Variants in TMEM92 observed in about 807,000 individuals in gnomAD.
TMEM92 encodes transmembrane protein 92.
A neutral mutation model predicts 14.6 loss-of-function variants in TMEM92; 15 were observed. The observed-to-expected ratio is 1.03, with a 90% CI of 0.69 to 1.58. TMEM92 has a LOEUF of 1.58. Ranked by LOEUF, TMEM92 falls within the 40% of genes most tolerant of loss-of-function variation. The pLI is 0.00. For missense variants in TMEM92, 174 were observed against 202.4 expected, an observed-to-expected ratio of 0.86 and a Z score of 0.85; for synonymous variants, 85 against 83.3, an observed-to-expected ratio of 1.02 and a Z score of -0.11.
chr17:50,277,842 C>T (rs1910478905), intron 2 of TMEM92, 102 bp downstream of exon 2: 8 of 1,444,388 alleles, frequency 5.5e-6, no homozygotes, highest in South Asian at 1.2e-5. Flanking sequence ...AAACTCCATC[C>T]GTCCTCAGTC....
chr17:50,278,888 G>A lies in TMEM92; in HGVS notation c.258G>A (p.Pro86=), dbSNP rs563916883. The stretch of plus-strand genomic sequence containing the variant: ...GCTTCTGTCGCAACTGCAGAGAGCC[G>A]GAGCCAGACAGCCCAGTGGATTGCC... ...AKCFCRNCRE[P]EPDSPVDCRG... is the part of the protein sequence containing the mutation. The change falls in exon 4 of 5, where the codon CCG becomes CCA. Residue 86 remains proline, a synonymous_variant. Coordinates refer to ENST00000507382, the MANE Select transcript of TMEM92 (RefSeq NM_153229.3). 9.3e-6 allele frequency: 15 copies of A among 1,613,836 alleles called. No homozygotes were observed. Among genetic ancestry groups the A allele is most frequent in the East Asian group, 2.2e-5 (1 of 44,840 alleles).
intron 4 of TMEM92, 54 bp from the exon 5 acceptor site, chr17:50,279,141 G>A: frequency 6.4e-7 from 1 of 1,561,840 alleles, no homozygotes; most frequent in South Asian, 1.1e-5. Context: ...TGGGATGGGG[G>A]AGTGGTGGCC....
chr17:50,274,434 G>A, upstream of TMEM92: 1 of 1,560,276 alleles, frequency 6.4e-7, no homozygotes, highest in Non-Finnish European at 8.8e-7. Context: ...CCCATAGGTG[G>A]AGAGAAGTGG....
intron 1 of TMEM92, 50 bp from the exon 2 acceptor site, chr17:50,277,665 A>C (rs1314115233): frequency 3.1e-6 from 5 of 1,612,418 alleles, no homozygotes; most frequent in Non-Finnish European, 4.2e-6. Flanking sequence ...CCCTACCCCC[A>C]CTATCCCCAG....
upstream of TMEM92, chr17:50,271,532 T>A (rs940059898): frequency 7.2e-5 from 11 of 152,230 alleles, no homozygotes; most frequent in African/African-American, 2.7e-4. Flanking sequence ...GTTTTCTTTG[T>A]TTGCAGAGAC....
chr17:50,278,458 G>A (rs987406432), intron 2 of TMEM92, 98 bp from the exon 3 acceptor site: 2 of 1,390,160 alleles, frequency 1.4e-6, no homozygotes, highest in Non-Finnish European at 2.0e-6. Context: ...CTTGTGCCAT[G>A]AGCATCTTGG....
chr17:50,278,430 C>A (rs899698499), intron 2 of TMEM92, 126 bp from the exon 3 acceptor site: 3 of 1,047,250 alleles, frequency 2.9e-6, no homozygotes, highest in South Asian at 1.5e-5. Context: ...CCATACCCCC[C>A]ACCCCACTAA....
In TMEM92 at chr17:50,278,858, T is replaced by G. The variant is rs369053170; in HGVS notation, c.228T>G (p.Ala76=). The change falls in exon 4 of 5, where the codon GCT becomes GCG. Residue 76 remains alanine (A), a synonymous_variant. Coordinates refer to ENST00000507382, the MANE Select transcript of TMEM92 (RefSeq NM_153229.3). The stretch of plus-strand genomic sequence containing the variant: ...CCGTCTTTTGCATCTGTGGCCTGGC[T>G]AAGTGCTTCTGTCGCAACTGCAGAG... ...ILSVFCICGL[A]KCFCRNCREP... The G allele has an allele frequency of 6.2e-7, 1 of 1,613,548 alleles. No individual in the cohort carries two copies. The highest frequency in any genetic ancestry group is 1.3e-5 in the African/African-American group (1 of 74,830).
In TMEM92 at chr17:50,279,771, G is replaced by A; in HGVS notation, c.*463G>A. ...CTCACTGCACCCACCCACAACACATGATAAACACATGTCCTCACTGAATGT... is the reference window on the plus strand; with the variant it reads ...CTCACTGCACCCACCCACAACACATAATAAACACATGTCCTCACTGAATGT... On this transcript the variant is annotated 3_prime_UTR_variant, in exon 5 of 5. Coordinates refer to ENST00000507382, the MANE Select transcript of TMEM92 (RefSeq NM_153229.3). The A allele has an allele frequency of 4.7e-6, 1 of 211,730 alleles. No individual in the cohort carries two copies. Among genetic ancestry groups the A allele is most frequent in the Non-Finnish European group, 9.5e-6 (1 of 105,664 alleles). The allele number at this position is 211,730 out of a possible 1,614,324, so 13.1% of individuals were successfully genotyped here.
upstream of TMEM92, among the ~76,000 whole-genome samples, chr17:50,274,041 C>G (rs1283391008): frequency 6.6e-6 from 1 of 152,130 alleles, no homozygotes; most frequent in African/African-American, 2.4e-5. Flanking sequence ...TGCACTGGCA[C>G]GATCTCGGCT....
Position 50,278,683 on chromosome 17 carries a change from G to A in TMEM92, c.170+53G>A, listed in dbSNP as rs985538429. 18 of 1,596,470 alleles carry A rather than the reference G, an allele frequency of 1.1e-5. No homozygotes were observed. In the African/African-American group the frequency reaches 1.5e-4, roughly 13 times the overall value. On this transcript the variant is annotated intron_variant, in intron 3 of 4. Coordinates refer to ENST00000507382, the MANE Select transcript of TMEM92 (RefSeq NM_153229.3). ...GCAGTCCTTGGAGGGGCCTGGTCCT[G>A]TGTGGACAAGGCCAGGCACCTGCCG...
upstream of TMEM92, among the ~76,000 whole-genome samples, chr17:50,272,554 C>T (rs528815015): frequency 6.6e-6 from 1 of 152,284 alleles, no homozygotes; most frequent in South Asian, 2.1e-4. Context: ...GGTCCACCTG[C>T]AGGGGAGGAG....
chr17:50,277,764 C>T lies in TMEM92; in HGVS notation c.95+24C>T, dbSNP rs1910476139. 4.3e-6 allele frequency: 7 copies of T among 1,613,856 alleles called. No individual in the cohort carries two copies. The African/African-American group carries it at 9.3e-5, about 22-fold the overall frequency. On this transcript the variant is annotated intron_variant, in intron 2 of 4. Coordinates refer to ENST00000507382, the MANE Select transcript of TMEM92 (RefSeq NM_153229.3). ...CTGTAAGTCTAGAGGCCATAACTTC[C>T]AATCTGGGGAGCGGGGAGGAGCAAC...
At chr17:50,274,025 C>G (rs1910335385), upstream of TMEM92, among the ~76,000 whole-genome samples, 3 of 152,168 alleles carry the variant, frequency 2.0e-5, no homozygotes, top group Admixed American at 6.6e-5. Flanking sequence ...GTCGCCCAGG[C>G]TGGAGTGCAC....
At chr17:50,274,648 G>T in intron 1 of TMEM92, 78 bp downstream of exon 1, 1 of 1,300,482 alleles carries the variant, frequency 7.7e-7, no homozygotes, top group Non-Finnish European at 1.1e-6. Context: ...GAGCCTGGTC[G>T]CCACCTTCCA....
chr17:50,278,618 C>G lies in TMEM92; in HGVS notation c.158C>G (p.Pro53Arg). Reference protein sequence around the residue: ...DSCCQENELFPGPVRIFVIIF... With the variant: ...DSCCQENELFRGPVRIFVIIF... ...TGCTGCCAGGAGAACGAGCTCTTCC[C>G]TGGCCCCGTGAGGTGAGCCCAGGGC... The change falls in exon 3 of 5, where the codon CCT becomes CGT. Residue 53 changes from proline (P) to arginine (R), a missense_variant. Pro to Arg is a moderately radical substitution (Grantham distance 103). Transcript: ENST00000507382. The G allele has an allele frequency of 6.2e-7, 1 of 1,613,950 alleles. No homozygotes were observed. Among genetic ancestry groups the G allele is most frequent in the Non-Finnish European group, 8.5e-7 (1 of 1,179,974 alleles).
At chr17:50,276,958 G>A (rs932732966) in intron 1 of TMEM92, among the ~76,000 whole-genome samples, 4 of 152,204 alleles carry the variant, frequency 2.6e-5, no homozygotes, top group Non-Finnish European at 5.9e-5. Flanking sequence ...AGCCAGCCTT[G>A]CAGCCACCTA....
upstream of TMEM92, among the ~76,000 whole-genome samples, chr17:50,272,371 C>T (rs1332952118): frequency 6.6e-6 from 1 of 152,220 alleles, no homozygotes; most frequent in Non-Finnish European, 1.5e-5. Flanking sequence ...AAGGGCCACA[C>T]CTCTGTAGGG....
upstream of TMEM92, among the ~76,000 whole-genome samples, chr17:50,272,437 G>C (rs947082555): frequency 2.0e-5 from 3 of 152,346 alleles, 1 homozygote; most frequent in South Asian, 6.2e-4. Context: ...AGGCCTTGCT[G>C]TTGCAGTGGG....
Sources: gnomAD v4.1 joint callset for allele counts (sites outside exome capture counted in the v4.1 genomes callset) on GRCh38, gnomAD v4.1.1 for gene constraint, MANE v1.5 for transcripts, NCBI Gene and HGNC (gene_info 2026-07-23, HGNC 2026-07-21) for gene names.